Variants in RANBP9 observed in about 807,000 individuals in gnomAD.
The protein encoded by RANBP9 is ran-binding protein 9.
Under a neutral mutation model 84.3 loss-of-function variants are expected in RANBP9, and 15 were observed. The ratio of observed to expected loss-of-function variants is 0.18; its 90% CI spans 0.12 to 0.27. The LOEUF is 0.27. Among genes scored for constraint, RANBP9 ranks in the 10% least tolerant of loss-of-function variants. The pLI is 1.00. For missense variants in RANBP9, 809 were observed against 912.8 expected, an observed-to-expected ratio of 0.89 and a Z score of 1.46; for synonymous variants, 392 against 349.6, an observed-to-expected ratio of 1.12 and a Z score of -1.35.
chr6:13,690,740 T>A (rs1395109839), intron 2 of RANBP9, among the ~76,000 whole-genome samples: 2 of 152,202 alleles, frequency 1.3e-5, no homozygotes, highest in Non-Finnish European at 2.9e-5. Context: ...TATGCATAAT[T>A]TAAAATTTGA....
At chr6:13,627,753 G>C (rs774562291) in intron 12 of RANBP9, among the ~76,000 whole-genome samples, 5 of 148,776 alleles carry the variant, frequency 3.4e-5, no homozygotes, top group Non-Finnish European at 7.4e-5. Context: ...AATTTAAAAA[G>C]AAATACTGAA....
chr6:13,638,532 A>G (rs780465007), intron 9 of RANBP9, among the ~76,000 whole-genome samples: 12 of 152,066 alleles, frequency 7.9e-5, no homozygotes, highest in Non-Finnish European at 1.5e-4. Context: ...ACTGAGAAGC[A>G]TCAGAAATAA....
intron 12 of RANBP9, among the ~76,000 whole-genome samples, chr6:13,630,999 C>T (rs1017002858): frequency 6.6e-6 from 1 of 151,960 alleles, no homozygotes; most frequent in Non-Finnish European, 1.5e-5. Context: ...TTAGTAGAGA[C>T]GGGGTTTCAC....
At chr6:13,659,259 C>CAT (rs1765485991) in intron 2 of RANBP9, among the ~76,000 whole-genome samples, 6 of 38,834 alleles carry the variant, frequency 1.5e-4, no homozygotes, top group African/African-American at 4.2e-4. Context: ...CACACACATA[C>CAT]ACACACACAC....
At chr6:13,682,658 C>T (rs1460045977) in intron 2 of RANBP9, among the ~76,000 whole-genome samples, 1 of 152,064 alleles carries the variant, frequency 6.6e-6, no homozygotes, top group African/African-American at 2.4e-5. Context: ...GCCATGTTGG[C>T]CAGGCTGGTC....
In RANBP9 at chr6:13,711,115, C is replaced by T. The variant is rs866125569; in HGVS notation, c.391G>A (p.Ala131Thr). 1 of 1,552,708 alleles carries T rather than the reference C, an allele frequency of 6.4e-7. No individual in the cohort carries two copies. The highest frequency in any genetic ancestry group is 1.2e-5 in the South Asian group (1 of 84,966). The change falls in exon 1 of 14, where the codon GCC (alanine) becomes ACC (threonine). Residue 131 changes from alanine (A) to threonine (T), a missense_variant. Physicochemically the swap from Ala to Thr is moderately conservative, Grantham distance 58. Around this residue, in one of 5 missense-constraint regions of RANBP9, gnomAD observed 302 missense variants for 240.1 expected, o/e 1.26. Coordinates refer to ENST00000011619, the MANE Select transcript of RANBP9 (RefSeq NM_005493.3). ...GCCGAGTCCCCGTGAGGGAAGGGGGCCGCGGCGCTGCTGCCCGCCACCAGA... is the reference window on the plus strand; with the variant it reads ...GCCGAGTCCCCGTGAGGGAAGGGGGTCGCGGCGCTGCTGCCCGCCACCAGA... ...PALVAGSSAA[A>T]PFPHGDSALN...
Position 13,711,009 on chromosome 6 carries a change from G to A in RANBP9, c.497C>T (p.Pro166Leu), listed in dbSNP as rs764755339. The A allele has an allele frequency of 1.0e-5, 16 of 1,607,214 alleles. No individual in the cohort carries two copies. The highest frequency in any genetic ancestry group is 1.3e-5 in the African/African-American group (1 of 74,754). ...PAVDEQETPL[P>L]RSWSPKDKFS... is the part of the protein sequence containing the mutation. ...CTTGTCCTTCGGGCTCCAGGACCGA[G>A]GCAGCGGCGTCTCTTGTTCGTCCAC... Residue 166 changes from proline (P) to leucine (L), a missense_variant, in exon 1 of 14, where the codon CCT becomes CTT. By Grantham distance (98) the Pro-to-Leu change is moderately conservative. Around this residue, in one of 5 missense-constraint regions of RANBP9, gnomAD observed 302 missense variants for 240.1 expected, o/e 1.26. Coordinates refer to ENST00000011619, the MANE Select transcript of RANBP9 (RefSeq NM_005493.3).
intron 4 of RANBP9, among the ~76,000 whole-genome samples, chr6:13,656,141 C>G (rs1391051255): frequency 6.6e-6 from 1 of 152,104 alleles, no homozygotes; most frequent in Non-Finnish European, 1.5e-5. Context: ...TTCTTTTATA[C>G]TATGAAATAA....
At chr6:13,641,765 T>TA (rs1448599097) in intron 7 of RANBP9, among the ~76,000 whole-genome samples, 1 of 152,164 alleles carries the variant, frequency 6.6e-6, no homozygotes, top group Non-Finnish European at 1.5e-5. Context: ...ACAAAATGAG[T>TA]AAGTGATCTC....
At chr6:13,647,298 C>G (rs1330414267) in intron 5 of RANBP9, among the ~76,000 whole-genome samples, 2 of 152,096 alleles carry the variant, frequency 1.3e-5, no homozygotes, top group Non-Finnish European at 2.9e-5. Flanking sequence ...TAACAAACAT[C>G]ACTATTTTGT....
At chr6:13,631,002 G>A (rs879890579) in intron 12 of RANBP9, among the ~76,000 whole-genome samples, 6 of 151,986 alleles carry the variant, frequency 3.9e-5, no homozygotes, top group Non-Finnish European at 7.4e-5. Context: ...GTAGAGACGG[G>A]GTTTCACCGT....
intron 5 of RANBP9, among the ~76,000 whole-genome samples, chr6:13,648,632 A>C (rs16874275): frequency 0.053 from 8,115 of 152,318 alleles, 237 homozygotes; most frequent in South Asian, 0.12. Context: ...CTTTCAATCT[A>C]GAAATTGCTT....
At chr6:13,661,566 C>G (rs1247575782) in intron 2 of RANBP9, among the ~76,000 whole-genome samples, 1 of 150,484 alleles carries the variant, frequency 6.6e-6, no homozygotes, top group Non-Finnish European at 1.5e-5. Context: ...ATGATATCAC[C>G]CAATGGATAG....
At chr6:13,676,658 CTA>C (rs1176665402) in intron 2 of RANBP9, among the ~76,000 whole-genome samples, 1 of 151,588 alleles carries the variant, frequency 6.6e-6, no homozygotes, top group Non-Finnish European at 1.5e-5. Context: ...AAAAAAAGAA[CTA>C]TACACCAAGA....
rs146239392 is a variant in RANBP9, at chr6:13,663,775, T to C, written c.684-4943A>G. On this transcript the variant is annotated intron_variant, in intron 2 of 13. Transcript: ENST00000011619. The stretch of plus-strand genomic sequence containing the variant: ...TTAACATTCAAAACCAATCAATGTA[T>C]TTTTCTATACTAGGGGAAAATTCCT... Among the ~76,000 whole-genome samples the C allele has an allele frequency of 4.9e-3, 751 of 152,210 alleles. 8 individuals carry two copies. The South Asian group carries it at 0.049, about 10-fold the overall frequency.
intron 2 of RANBP9, among the ~76,000 whole-genome samples, chr6:13,691,004 T>C (rs1004217321): frequency 6.6e-6 from 1 of 151,914 alleles, no homozygotes; most frequent in African/African-American, 2.4e-5. Context: ...CCATCTCTCC[T>C]GAAAATACAA....
intron 2 of RANBP9, among the ~76,000 whole-genome samples, chr6:13,685,266 G>A (rs917549145): frequency 2.0e-5 from 3 of 152,146 alleles, no homozygotes; most frequent in Admixed American, 6.5e-5. Context: ...AACAGCTATG[G>A]ATGTGCCTTA....
intron 2 of RANBP9, among the ~76,000 whole-genome samples, chr6:13,673,270 C>G (rs996755636): frequency 1.2e-4 from 19 of 152,114 alleles, no homozygotes; most frequent in Admixed American, 3.3e-4. Context: ...GGAAAAAACC[C>G]CACCAAGCTA....
At position 13,677,663 on chromosome 6, in the gene RANBP9, C is replaced by T. The variant is rs1395668605; in HGVS notation, c.684-18831G>A. On this transcript the variant is annotated intron_variant, in intron 2 of 13. Coordinates refer to ENST00000011619, the MANE Select transcript of RANBP9 (RefSeq NM_005493.3). The stretch of plus-strand genomic sequence containing the variant: ...TGTCTATAATTCACAAGTTACCAAT[C>T]TTAAACATTTAAGCTTATGAACATA... 4.6e-5 allele frequency among the ~76,000 whole-genome samples: 7 copies of T among 152,280 alleles called. No individual in the cohort carries two copies. In the East Asian group the frequency reaches 1.2e-3, roughly 25 times the overall value.
Sources: allele counts gnomAD v4.1 joint callset (sites outside exome capture counted in the v4.1 genomes callset), GRCh38; gene constraint gnomAD v4.1.1; regional missense constraint gnomAD v4.1.1; transcripts MANE v1.5; gene names NCBI Gene and HGNC (gene_info 2026-07-23, HGNC 2026-07-21).